The following RASAL2 variants were observed in gnomAD, a reference collection of about 807,000 sequenced individuals.
RASAL2 encodes RAS protein activator like 2, also known as ras GTPase-activating protein nGAP.
A neutral mutation model predicts 128.9 loss-of-function variants in RASAL2; 58 were observed. The observed-to-expected ratio is 0.45, with a 90% confidence interval of 0.36 to 0.56. The LOEUF (loss-of-function observed/expected upper bound fraction) is 0.56. RASAL2 is among the 20% of genes least tolerant of loss of function. RASAL2 has a pLI of 0.00. For synonymous variants in RASAL2, 561 were observed against 580.8 expected (o/e 0.97, Z 0.49); for missense variants, 1,360 against 1,601.6 (o/e 0.85, Z 2.57).
In RASAL2 at chr1:178,477,263, G is replaced by A. The variant is rs1417607487; in HGVS notation, c.*4024G>A. On this transcript the variant is annotated 3_prime_UTR_variant, in exon 18 of 18. Coordinates refer to ENST00000367649, the MANE Select transcript of RASAL2 (RefSeq NM_170692.4). ...AGTTGCCTTCCTACCCCTTACCTGG[G>A]GGCCGATAATTTGAGATACTTTGTT... The A allele has an allele frequency of 6.6e-6, 1 of 152,126 alleles. No homozygotes were observed. The highest frequency in any genetic ancestry group is 1.5e-5 in the Non-Finnish European group (1 of 68,016). The allele number at this position is 152,126 out of a possible 1,614,324, so 9.4% of individuals were successfully genotyped here.
intron 2 of RASAL2, among the ~76,000 whole-genome samples, chr1:178,295,281 C>T (rs989330899): frequency 6.6e-6 from 1 of 150,996 alleles, no homozygotes; most frequent in Non-Finnish European, 1.5e-5. Context: ...GGTACATGTG[C>T]AGAATGTTCA....
At chr1:178,448,315 C>T (rs1677152335) in intron 9 of RASAL2, among the ~76,000 whole-genome samples, 1 of 152,108 alleles carries the variant, frequency 6.6e-6, no homozygotes, top group Non-Finnish European at 1.5e-5. Context: ...GCATTTGGCA[C>T]CTTAAATATC....
intron 3 of RASAL2, among the ~76,000 whole-genome samples, chr1:178,313,897 C>T (rs1482823647): frequency 6.6e-6 from 1 of 152,020 alleles, no homozygotes; most frequent in Non-Finnish European, 1.5e-5. Flanking sequence ...AACTTCTTGG[C>T]GTTTTCAGGT....
chr1:178,174,187 A>C (rs1030029986), intron 1 of RASAL2, among the ~76,000 whole-genome samples: 1 of 151,988 alleles, frequency 6.6e-6, no homozygotes, highest in East Asian at 1.9e-4. Flanking sequence ...TCCTTGGAAA[A>C]TGTCAGCAAT....
chr1:178,170,756 A>T (rs1468461258), intron 1 of RASAL2, among the ~76,000 whole-genome samples: 1 of 151,642 alleles, frequency 6.6e-6, no homozygotes, highest in African/African-American at 2.4e-5. Flanking sequence ...TTAAATATTA[A>T]ATATTTATTC....
chr1:178,252,825 C>T (rs1053089924), intron 1 of RASAL2, among the ~76,000 whole-genome samples: 5 of 152,152 alleles, frequency 3.3e-5, no homozygotes, highest in Non-Finnish European at 7.4e-5. Context: ...AAATCCAGTT[C>T]GTCAGCAATT....
intron 1 of RASAL2, among the ~76,000 whole-genome samples, chr1:178,230,583 G>A (rs1460842279): frequency 6.6e-6 from 1 of 152,096 alleles, no homozygotes; most frequent in Non-Finnish European, 1.5e-5. Context: ...AGTTACTGGT[G>A]GTGCACCCAT....
rs777252623 is a variant in RASAL2 at position 178,441,664 on chromosome 1, GT to G, written c.927+18del. Reference sequence around the variant, plus strand: ...CCTAATAAGGTAATAGTAGCTTCAAGTATCTAAAAAATGTATAACTTTGTAA... The same window carrying G: ...CCTAATAAGGTAATAGTAGCTTCAAGATCTAAAAAATGTATAACTTTGTAA... On this transcript the variant is annotated intron_variant, in intron 7 of 17. Transcript: ENST00000367649. 3 of 1,577,634 alleles carry G rather than the reference GT, an allele frequency of 1.9e-6. No individual in the cohort carries two copies. The highest frequency in any genetic ancestry group is 1.7e-4 in the Middle Eastern group (1 of 5,950).
intron 3 of RASAL2, among the ~76,000 whole-genome samples, chr1:178,362,110 G>A (rs1671150635): frequency 6.6e-6 from 1 of 152,110 alleles, no homozygotes; most frequent in African/African-American, 2.4e-5. Flanking sequence ...CGTGGCCTGG[G>A]GGTTGGGGAC....
At chr1:178,122,602 C>G (rs1307714117) in intron 1 of RASAL2, among the ~76,000 whole-genome samples, 1 of 152,180 alleles carries the variant, frequency 6.6e-6, no homozygotes, top group Non-Finnish European at 1.5e-5. Context: ...GATTCATGAA[C>G]TGACTGTACT....
intron 10 of RASAL2, 116 bp downstream of exon 10, chr1:178,451,831 G>A (rs957897050): frequency 1.5e-6 from 2 of 1,312,654 alleles, no homozygotes; most frequent in Admixed American, 2.4e-5. Context: ...ACAACCAAAG[G>A]GGAGGGTCTT....
intron 1 of RASAL2, among the ~76,000 whole-genome samples, chr1:178,195,136 G>A (rs1235753843): frequency 6.6e-6 from 1 of 152,142 alleles, no homozygotes; most frequent in Non-Finnish European, 1.5e-5. Context: ...AGTAAAGTGG[G>A]GCTAAGAGGT....
chr1:178,136,746 G>A (rs1285554800), intron 1 of RASAL2, among the ~76,000 whole-genome samples: 10 of 90,008 alleles, frequency 1.1e-4, no homozygotes, highest in African/African-American at 3.9e-4. Flanking sequence ...GACAAAGTGA[G>A]ACTCTGTCTC....
At chr1:178,348,911 T>G (rs925804422) in intron 3 of RASAL2, among the ~76,000 whole-genome samples, 1 of 151,064 alleles carries the variant, frequency 6.6e-6, no homozygotes, top group East Asian at 2.0e-4. Context: ...GCCATTCTCC[T>G]GCCTCAGCCT....
At chr1:178,287,506 G>A (rs898056129) in intron 2 of RASAL2, among the ~76,000 whole-genome samples, 3 of 151,676 alleles carry the variant, frequency 2.0e-5, no homozygotes, top group Non-Finnish European at 2.9e-5. Flanking sequence ...AGGAAAATAA[G>A]TCGTTATATA....
chr1:178,360,666 A>C (rs1238940778), intron 3 of RASAL2, among the ~76,000 whole-genome samples: 2 of 152,234 alleles, frequency 1.3e-5, no homozygotes, highest in African/African-American at 4.8e-5. Flanking sequence ...TGCTATAACA[A>C]AGAACCACTG....
chr1:178,306,225 A>G (rs1667980810), intron 3 of RASAL2, among the ~76,000 whole-genome samples: 1 of 152,184 alleles, frequency 6.6e-6, no homozygotes, highest in African/African-American at 2.4e-5. Context: ...AAGGACATGA[A>G]CTTATCATTT....
At chr1:178,160,680 C>T (rs955376548) in intron 1 of RASAL2, among the ~76,000 whole-genome samples, 1 of 152,082 alleles carries the variant, frequency 6.6e-6, no homozygotes, top group African/African-American at 2.4e-5. Context: ...TTGAGTCCAT[C>T]TTTATTAATC....
chr1:178,467,261 G>T, intron 16 of RASAL2, 73 bp from the exon 17 acceptor site: 2 of 1,197,444 alleles, frequency 1.7e-6, no homozygotes, highest in South Asian at 2.5e-5. Flanking sequence ...AGAGGATATT[G>T]AGTTTTCCTG....
Sources: allele counts gnomAD v4.1 joint callset (sites outside exome capture counted in the v4.1 genomes callset), GRCh38; gene constraint gnomAD v4.1.1; transcripts MANE v1.5; gene names NCBI Gene and HGNC (gene_info 2026-07-23, HGNC 2026-07-21).